The following DPY19L4 variants were observed in gnomAD, a reference collection of about 807,000 sequenced individuals.
The protein encoded by DPY19L4 is probable C-mannosyltransferase DPY19L4.
In DPY19L4, 97 loss-of-function variants were observed where a neutral mutation model predicts 102.8. The ratio of observed to expected loss-of-function variants is 0.94; its 90% confidence interval spans 0.80 to 1.12. The LOEUF is 1.12. DPY19L4 is among the 50% of genes most tolerant of loss of function. The pLI is 0.00. For missense variants in DPY19L4, 815 were observed against 850.4 expected, an observed-to-expected ratio of 0.96 and a Z score of 0.52; for synonymous variants, 252 against 283.1, an observed-to-expected ratio of 0.89 and a Z score of 1.10.
At chr8:94,777,554 C>T in intron 13 of DPY19L4, 112 bp from the exon 14 acceptor site, 7 of 1,316,086 alleles carry the variant, frequency 5.3e-6, no homozygotes, top group South Asian at 3.2e-5. Flanking sequence ...TTTCACTGTC[C>T]CTTAGCATTT....
In DPY19L4 at chr8:94,761,101, T is replaced by C. The variant is rs117585860; in HGVS notation, c.736-599T>C. On this transcript the variant is annotated intron_variant, in intron 7 of 18. Transcript: ENST00000414645. Reference sequence around the variant, plus strand: ...TTCTGAACCCTGATGAATACCAGCATTTAAGTTATTTGGACAGAGAGAAGT... The same window carrying C: ...TTCTGAACCCTGATGAATACCAGCACTTAAGTTATTTGGACAGAGAGAAGT... Among the ~76,000 whole-genome samples, 721 of 152,308 alleles carry C rather than the reference T, an allele frequency of 4.7e-3. 34 individuals carry two copies. The East Asian group carries it at 0.099, about 21-fold the overall frequency.
chr8:94,781,056 A>ATTTTTTTTTTTTTTTTTTTTTGTAT, intron 15 of DPY19L4, 28 bp from the exon 16 acceptor site: 1 of 1,200,480 alleles, frequency 8.3e-7, no homozygotes, highest in East Asian at 2.7e-5. Context: ...TCTTTTGGGG[A>ATTTTTTTTTTTTTTTTTTTTTGTAT]TTTTTTTTTT....
chr8:94,792,000 G>T lies in DPY19L4; in HGVS notation c.*2090G>T, dbSNP rs1195390340. The T allele has an allele frequency of 6.6e-6, 1 of 152,126 alleles. No homozygotes were observed. The highest frequency in any genetic ancestry group is 1.5e-5 in the Non-Finnish European group (1 of 68,020). The allele number at this position is 152,126 out of a possible 1,614,324, so 9.4% of individuals were successfully genotyped here. A position where few individuals can be genotyped will look rare whatever the true frequency, so the allele number is the denominator to read the frequency against. On this transcript the variant is annotated 3_prime_UTR_variant, in exon 19 of 19. Transcript: ENST00000414645. ...AGTACTAGACAACTTTAAGTGGAAAGCATTTAGTTTATTTCTTCACTTATT... is the reference window on the plus strand; with the variant it reads ...AGTACTAGACAACTTTAAGTGGAAATCATTTAGTTTATTTCTTCACTTATT...
At chr8:94,720,813 A>T (rs140128469) in intron 1 of DPY19L4, among the ~76,000 whole-genome samples, 55 of 152,358 alleles carry the variant, frequency 3.6e-4, no homozygotes, top group African/African-American at 1.3e-3. Flanking sequence ...TAGTAACTTC[A>T]TGATAACCCC....
In DPY19L4 at chr8:94,739,413, G is replaced by T. The variant is rs773579919; in HGVS notation, c.344G>T (p.Gly115Val). The T allele has an allele frequency of 6.4e-7, 1 of 1,569,218 alleles. No homozygotes were observed. ...DMLKAPSFER[G>V]VYELTHNNKT... is the part of the protein sequence containing the mutation. The stretch of plus-strand genomic sequence containing the variant: ...TGGAGAAAAATCTTTCTGTCTTTAG[G>T]TGTTTACGAACTGACACACAATAAC... Residue 115 changes from glycine to valine, a missense_variant and splice_region_variant, in exon 5 of 19, where the codon GGT (glycine) becomes GTT (valine). Physicochemically the swap from Gly to Val is moderately radical, Grantham distance 109. Coordinates refer to ENST00000414645, the MANE Select transcript of DPY19L4 (RefSeq NM_181787.3).
rs1811683265 is a variant in DPY19L4 at position 94,746,567 on chromosome 8, A to G, written c.611+6777A>G. ...GACATGACAAACTTAGACATATGTC[A>G]TCTAACTCCTTGTTTCTCAAACTTC... On this transcript the variant is annotated intron_variant, in intron 6 of 18. Transcript: ENST00000414645. Among the ~76,000 whole-genome samples, 3 of 152,294 alleles carry G rather than the reference A, an allele frequency of 2.0e-5. No homozygotes were observed. The South Asian group carries it at 6.2e-4, about 32-fold the overall frequency.
chr8:94,793,513 T>G lies in DPY19L4; in HGVS notation c.*3603T>G, dbSNP rs1813936730. ...TTAATCTGCATATTTGTAACGCAAA[T>G]AACTACTTCCTGATTTACATCTCAA... On this transcript the variant is annotated 3_prime_UTR_variant, in exon 19 of 19. Coordinates refer to ENST00000414645, the MANE Select transcript of DPY19L4 (RefSeq NM_181787.3). 1 of 152,198 alleles carries G rather than the reference T, an allele frequency of 6.6e-6. No homozygotes were observed. The highest frequency in any genetic ancestry group is 6.5e-5 in the Admixed American group (1 of 15,272). The allele number at this position is 152,198 out of a possible 1,614,324, so 9.4% of individuals were successfully genotyped here.
chr8:94,780,489 G>A, intron 15 of DPY19L4, 74 bp downstream of exon 15: 4 of 965,620 alleles, frequency 4.1e-6, no homozygotes, highest in Non-Finnish European at 5.7e-6. Flanking sequence ...ATATGTGTGG[G>A]TAGGAAACAT....
In DPY19L4 at chr8:94,789,888, CTG is replaced by C. The variant is rs749345172; in HGVS notation, c.2153_2154del (p.Val718AspfsTer18). Reference sequence around the variant, plus strand: ...TCCTACTTTGTATATAAAATCAACACTGTGATATCCTTCCAGTCTTGAAAAAT... The same window carrying C: ...TCCTACTTTGTATATAAAATCAACACTGATATCCTTCCAGTCTTGAAAAAT... On this transcript the variant is annotated frameshift_variant, in exon 19 of 19. Coordinates refer to ENST00000414645, the MANE Select transcript of DPY19L4 (RefSeq NM_181787.3). LOFTEE classifies it high-confidence loss of function. 6.9e-6 allele frequency: 11 copies of C among 1,597,134 alleles called. No homozygotes were observed. The African/African-American group carries it at 1.5e-4, about 22-fold the overall frequency.
At chr8:94,727,201 G>C (rs917240694) in intron 2 of DPY19L4, among the ~76,000 whole-genome samples, 4 of 152,222 alleles carry the variant, frequency 2.6e-5, no homozygotes, top group Admixed American at 1.3e-4. Context: ...GTTTCAGAAT[G>C]AAGTTGTATT....
chr8:94,782,662 A>G (rs1357241423), intron 16 of DPY19L4, among the ~76,000 whole-genome samples: 1 of 151,842 alleles, frequency 6.6e-6, no homozygotes, highest in Non-Finnish European at 1.5e-5. Flanking sequence ...TGTTTCTAGA[A>G]ATTTAAAATT....
intron 6 of DPY19L4, among the ~76,000 whole-genome samples, chr8:94,747,323 G>A (rs77517593): frequency 0.036 from 5,413 of 152,078 alleles, 116 homozygotes; most frequent in Admixed American, 0.041. Flanking sequence ...AAAGTGTTGG[G>A]ATTACAGACA....
intron 1 of DPY19L4, 127 bp downstream of exon 1, chr8:94,720,141 C>T: frequency 7.3e-7 from 1 of 1,371,966 alleles, no homozygotes; most frequent in Non-Finnish European, 9.4e-7. Flanking sequence ...GCGGGCAGGG[C>T]GGGAAGGAGC....
chr8:94,770,966 G>T (rs1458008289), intron 13 of DPY19L4, among the ~76,000 whole-genome samples: 1 of 150,140 alleles, frequency 6.7e-6, no homozygotes. Flanking sequence ...CCAGGCTGGA[G>T]TGCAGTGGTG....
rs149041883 is a variant in DPY19L4, at chr8:94,789,792, G to A, written c.2054G>A (p.Arg685Gln). 2.6e-4 allele frequency: 421 copies of A among 1,610,984 alleles called. 3 individuals carry two copies. The highest frequency in any genetic ancestry group is 2.4e-3 in the South Asian group (216 of 90,372). ...GDKLTYSKYG[R>Q]FCHEVKINYS... ...AAGCTAACCTACTCAAAATATGGGC[G>A]ATTTTGTCATGAGGTCAAAATTAAC... is the stretch of plus-strand genomic sequence containing the variant. Residue 685 changes from arginine to glutamine, a missense_variant, in exon 19 of 19, where the codon CGA becomes CAA. Coordinates refer to ENST00000414645, the MANE Select transcript of DPY19L4 (RefSeq NM_181787.3).
chr8:94,777,900 C>A, intron 14 of DPY19L4, 114 bp downstream of exon 14: 4 of 1,283,076 alleles, frequency 3.1e-6, no homozygotes, highest in Non-Finnish European at 4.2e-6. Context: ...TGATGACTTA[C>A]AGGTAGAAAA....
At chr8:94,775,122 T>A (rs1463292828) in intron 13 of DPY19L4, among the ~76,000 whole-genome samples, 1 of 152,210 alleles carries the variant, frequency 6.6e-6, no homozygotes, top group African/African-American at 2.4e-5. Context: ...GTATTCCAAT[T>A]TTTTTGTGTG....
At chr8:94,728,628 A>G (rs564832712) in intron 2 of DPY19L4, among the ~76,000 whole-genome samples, 1 of 152,368 alleles carries the variant, frequency 6.6e-6, no homozygotes, top group South Asian at 2.1e-4. Flanking sequence ...GGGAGCTGGA[A>G]AAATGAAGAT....
intron 2 of DPY19L4, among the ~76,000 whole-genome samples, chr8:94,730,831 C>T (rs774008629): frequency 4.1e-5 from 6 of 146,042 alleles, no homozygotes; most frequent in South Asian, 2.2e-4. Flanking sequence ...CCGCAACCTC[C>T]GCCCCCCAAG....
Sources: allele counts gnomAD v4.1 joint callset (sites outside exome capture counted in the v4.1 genomes callset), GRCh38; gene constraint gnomAD v4.1.1; transcripts MANE v1.5; gene names NCBI Gene and HGNC (gene_info 2026-07-23, HGNC 2026-07-21).